Variants in F13A1 observed in about 807,000 individuals in gnomAD.
The protein encoded by F13A1 is coagulation factor XIII A chain.
In F13A1, 47 loss-of-function variants were observed where a neutral mutation model predicts 80.1. That is an observed-to-expected ratio of 0.59 (90% confidence interval 0.46 to 0.75). F13A1 has a LOEUF of 0.75. Ranked by LOEUF, F13A1 falls within the 30% of genes least tolerant of loss-of-function variation. The probability of loss-of-function intolerance (pLI) is 0.00; values close to 1 mark genes in which losing one functional copy is unlikely to be tolerated. For synonymous variants in F13A1, 349 were observed against 344.9 expected (o/e 1.01, Z -0.13); for missense variants, 817 against 930.4 (o/e 0.88, Z 1.59).
intron 11 of F13A1, among the ~76,000 whole-genome samples, chr6:6,175,621 C>A (rs1025578224): frequency 2.6e-5 from 4 of 152,166 alleles, no homozygotes; most frequent in African/African-American, 9.7e-5. Context: ...CCTTAATTAG[C>A]AAATTAGAGG....
chr6:6,267,821 G>A (rs760770987), intron 3 of F13A1, among the ~76,000 whole-genome samples: 8 of 152,186 alleles, frequency 5.3e-5, no homozygotes, highest in Non-Finnish European at 8.8e-5. Context: ...AACTAGAGAA[G>A]TACATCTGAA....
At chr6:6,220,807 A>T (rs1025509365) in intron 8 of F13A1, among the ~76,000 whole-genome samples, 1 of 152,166 alleles carries the variant, frequency 6.6e-6, no homozygotes, top group African/African-American at 2.4e-5. Context: ...CCTCCAGCTT[A>T]CTATGGCTCA....
At chr6:6,247,702 G>A (rs545198041) in intron 6 of F13A1, among the ~76,000 whole-genome samples, 13 of 152,308 alleles carry the variant, frequency 8.5e-5, no homozygotes, top group African/African-American at 2.2e-4. Context: ...TCAGCAGACC[G>A]GAGTTCTAGC....
At chr6:6,248,464 CAAGCAAAATATTCTCTGATG>C in intron 5 of F13A1, 45 bp from the exon 6 acceptor site, 1 of 1,460,892 alleles carries the variant, frequency 6.8e-7, no homozygotes, top group African/African-American at 1.4e-5. Context: ...GTTCACTCTG[CAAGCAAAATATTCTCTGATG>C]AAAAATAACA....
chr6:6,193,735 C>T (rs891521389), intron 10 of F13A1, among the ~76,000 whole-genome samples: 1 of 152,168 alleles, frequency 6.6e-6, no homozygotes. Flanking sequence ...TCCTCCTTCT[C>T]CTTCTTTGCA....
At chr6:6,252,422 T>C (rs1158937429) in intron 4 of F13A1, among the ~76,000 whole-genome samples, 1 of 152,212 alleles carries the variant, frequency 6.6e-6, no homozygotes, top group Non-Finnish European at 1.5e-5. Flanking sequence ...TGTATCTATG[T>C]ATACTGTATA....
At chr6:6,215,429 C>T (rs1224743168) in intron 8 of F13A1, among the ~76,000 whole-genome samples, 1 of 102,650 alleles carries the variant, frequency 9.7e-6, no homozygotes, top group African/African-American at 4.3e-5. Flanking sequence ...AAGACAAAAA[C>T]CACATGATTA....
At position 6,305,510 on chromosome 6, in the gene F13A1, A is replaced by G. The variant is rs138690353; in HGVS notation, c.160T>C (p.Phe54Leu). Reference protein sequence around the residue: ...EFLNVTSVHLFKERWDTNKVD... With the variant: ...EFLNVTSVHLLKERWDTNKVD... ...TTGTTAGTGTCCCATCTCTCCTTGA[A>G]CAGGTGAACGCTCGTGACATTAAGA... is the stretch of plus-strand genomic sequence containing the variant. Residue 54 changes from phenylalanine to leucine, a missense_variant, in exon 3 of 15, where the codon TTC (phenylalanine) becomes CTC (leucine). Physicochemically the swap from Phe to Leu is conservative, Grantham distance 22. Transcript: ENST00000264870. 4.3e-6 allele frequency: 7 copies of G among 1,614,222 alleles called. No individual in the cohort carries two copies. The highest frequency in any genetic ancestry group is 5.1e-6 in the Non-Finnish European group (6 of 1,180,040).
rs1044955005 is a variant in F13A1, at chr6:6,272,141, G to A, written c.320-5332C>T. ...CCACAGACCAGAGAGCCCACTGCAC[G>A]CAAAGCCCTGCATTGGTAGTGCCCA... On this transcript the variant is annotated intron_variant, in intron 3 of 14. Coordinates refer to ENST00000264870, the MANE Select transcript of F13A1 (RefSeq NM_000129.4). Among the ~76,000 whole-genome samples the A allele has an allele frequency of 6.6e-5, 10 of 152,294 alleles. No individual in the cohort carries two copies. The East Asian group carries it at 9.6e-4, about 15-fold the overall frequency.
At chr6:6,313,277 C>T (rs906934928) in intron 2 of F13A1, among the ~76,000 whole-genome samples, 2 of 118,200 alleles carry the variant, frequency 1.7e-5, no homozygotes, top group African/African-American at 3.5e-5. Context: ...ATTGCTAAGC[C>T]GCCTTTTTTT....
intron 12 of F13A1, among the ~76,000 whole-genome samples, chr6:6,168,813 G>C (rs1760721593): frequency 6.6e-6 from 1 of 152,184 alleles, no homozygotes; most frequent in African/African-American, 2.4e-5. Context: ...CAGAGGGCAG[G>C]GCCCCTGACT....
At chr6:6,251,155 G>A (rs1443162425) in intron 4 of F13A1, among the ~76,000 whole-genome samples, 1 of 152,164 alleles carries the variant, frequency 6.6e-6, no homozygotes, top group African/African-American at 2.4e-5. Flanking sequence ...TTAGCAAAAT[G>A]CTGACGAACT....
chr6:6,237,090 T>C (rs1304589412), intron 6 of F13A1, among the ~76,000 whole-genome samples: 1 of 152,190 alleles, frequency 6.6e-6, no homozygotes, highest in Non-Finnish European at 1.5e-5. Context: ...ACCACCTTTC[T>C]TTAATAATAG....
chr6:6,154,500 C>T (rs1411941751), intron 13 of F13A1, among the ~76,000 whole-genome samples: 1 of 152,226 alleles, frequency 6.6e-6, no homozygotes, highest in Non-Finnish European at 1.5e-5. Flanking sequence ...TGTCTACCCA[C>T]TGCATGCCAG....
chr6:6,242,766 C>G (rs1757500188), intron 6 of F13A1, among the ~76,000 whole-genome samples: 1 of 152,124 alleles, frequency 6.6e-6, no homozygotes, highest in Non-Finnish European at 1.5e-5. Flanking sequence ...TATATAATTT[C>G]CACCATGGAG....
At chr6:6,176,379 GAC>G (rs1427257415) in intron 11 of F13A1, among the ~76,000 whole-genome samples, 2 of 152,268 alleles carry the variant, frequency 1.3e-5, no homozygotes, top group African/African-American at 4.8e-5. Context: ...AACACTATAA[GAC>G]AGACACTATT....
rs532879106 is a variant in F13A1, at chr6:6,195,876, C to T, written c.1226G>A (p.Arg409Gln). 25 of 1,614,100 alleles carry T rather than the reference C, an allele frequency of 1.5e-5. No individual in the cohort carries two copies. The highest frequency in any genetic ancestry group is 1.9e-5 in the Non-Finnish European group (23 of 1,179,990). Reference sequence around the variant, plus strand: ...GGCTTGAACCGAGGCGGGGCCACACCGATACATGCCTGCATTGCACAGAGG... The same window carrying T: ...GGCTTGAACCGAGGCGGGGCCACACTGATACATGCCTGCATTGCACAGAGG... ...TPQENSDGMYRCGPASVQAIK... is the reference protein window; with the variant it reads ...TPQENSDGMYQCGPASVQAIK... Residue 409 changes from arginine (R) to glutamine (Q), a missense_variant, in exon 10 of 15, where the codon CGG (arginine) becomes CAG (glutamine). Transcript: ENST00000264870.
intron 8 of F13A1, among the ~76,000 whole-genome samples, chr6:6,218,787 A>C (rs1196769412): frequency 6.6e-6 from 1 of 152,192 alleles, no homozygotes; most frequent in Non-Finnish European, 1.5e-5. Flanking sequence ...TGCAGTAGTA[A>C]GGCGAGAAGG....
rs1168480831 is a variant in F13A1 at position 6,243,355 on chromosome 6, TATC to T, written c.798+4954_798+4956del. On this transcript the variant is annotated intron_variant, in intron 6 of 14. Coordinates refer to ENST00000264870, the MANE Select transcript of F13A1 (RefSeq NM_000129.4). This position sits in a 1 kb window ranked among gnomAD's most constrained non-coding sequence, Gnocchi z 4.2. ...TCACCACCACCATCATCACTAACTC[TATC>T]ACCACCACCACCAAACACCACCACC... 6.6e-6 allele frequency among the ~76,000 whole-genome samples: 1 copy of T among 151,668 alleles called. No homozygotes were observed. The highest frequency in any genetic ancestry group is 1.9e-4 in the East Asian group (1 of 5,172).
Sources: allele counts gnomAD v4.1 joint callset (sites outside exome capture counted in the v4.1 genomes callset), GRCh38; gene constraint gnomAD v4.1.1; non-coding constraint Gnocchi (gnomAD v3.1); transcripts MANE v1.5; gene names NCBI Gene and HGNC (gene_info 2026-07-23, HGNC 2026-07-21).